The following FOCAD variants were observed in gnomAD, a reference collection of about 807,000 sequenced individuals.
FOCAD encodes focadhesin.
In FOCAD, 198 loss-of-function variants were observed where a neutral mutation model predicts 225.6. That is an observed-to-expected ratio of 0.88 (90% CI 0.78 to 0.99). The LOEUF is 0.99. Ranked by LOEUF, FOCAD falls within the 50% of genes least tolerant of loss-of-function variation. The pLI is 0.00. For synonymous variants in FOCAD, 897 were observed against 755.0 expected (o/e 1.19, Z -3.08); for missense variants, 2,713 against 2,123.6 (o/e 1.28, Z -5.46).
In FOCAD at chr9:20,944,780, A is replaced by C. The variant is rs1837021004; in HGVS notation, c.3555+6A>C. ...AGAGCAGAACGTTTCAGGAGGTAAGAGATGGAGGCTACATTTTTTTCCCCT... is the reference window on the plus strand; with the variant it reads ...AGAGCAGAACGTTTCAGGAGGTAAGCGATGGAGGCTACATTTTTTTCCCCT... On this transcript the variant is annotated splice_donor_region_variant and intron_variant, in intron 29 of 43. Coordinates refer to ENST00000338382, the MANE Select transcript of FOCAD (RefSeq NM_001375567.1). 1 of 1,606,000 alleles carries C rather than the reference A, an allele frequency of 6.2e-7. No individual in the cohort carries two copies. Among genetic ancestry groups the C allele is most frequent in the Non-Finnish European group, 8.5e-7 (1 of 1,174,174 alleles).
chr9:20,770,309 A>T, intron 8 of FOCAD, 71 bp downstream of exon 8: 1 of 1,387,184 alleles, frequency 7.2e-7, no homozygotes, highest in Non-Finnish European at 1.0e-6. Context: ...GTAATTTATA[A>T]AGAAATGAGG....
chr9:20,772,370 G>A (rs1477880770), intron 8 of FOCAD, among the ~76,000 whole-genome samples: 1 of 152,122 alleles, frequency 6.6e-6, no homozygotes, highest in East Asian at 1.9e-4. Flanking sequence ...TTTGGGGTGG[G>A]GATTTTAAAC....
intron 7 of FOCAD, among the ~76,000 whole-genome samples, chr9:20,769,704 T>G (rs1375869827): frequency 6.6e-6 from 1 of 152,248 alleles, no homozygotes; most frequent in Non-Finnish European, 1.5e-5. Flanking sequence ...AATTCAAAAC[T>G]AAACTTAATT....
In FOCAD at chr9:20,722,371, A is replaced by G. The variant is rs1825858608; in HGVS notation, c.287+1837A>G. On this transcript the variant is annotated intron_variant, in intron 4 of 43. Coordinates refer to ENST00000338382, the MANE Select transcript of FOCAD (RefSeq NM_001375567.1). ...GCCCTTGTGTGTGTTCCACACCAGC[A>G]TGGCATGCTCCTTCCCCTTCTCTGT... Among the ~76,000 whole-genome samples, 11 of 152,302 alleles carry G rather than the reference A, an allele frequency of 7.2e-5. No individual in the cohort carries two copies. In the South Asian group the frequency reaches 2.3e-3, roughly 32 times the overall value.
At chr9:20,931,203 CTTCCA>C (rs1337126186) in intron 27 of FOCAD, among the ~76,000 whole-genome samples, 1 of 152,170 alleles carries the variant, frequency 6.6e-6, no homozygotes, top group Non-Finnish European at 1.5e-5. Flanking sequence ...CCTAGGTTGT[CTTCCA>C]TTCCTGTCTG....
upstream of FOCAD, among the ~76,000 whole-genome samples, chr9:20,680,185 C>T (rs189987898): frequency 7.2e-5 from 11 of 152,288 alleles, no homozygotes; most frequent in Admixed American, 5.2e-4. Flanking sequence ...AATCTTTTTC[C>T]TCCTGGCTAA....
At chr9:20,755,487 T>C (rs1475744452) in intron 5 of FOCAD, among the ~76,000 whole-genome samples, 2 of 152,196 alleles carry the variant, frequency 1.3e-5, no homozygotes, top group African/African-American at 4.8e-5. Flanking sequence ...TGATTCAATT[T>C]GGACAAAACT....
chr9:20,912,503 T>G (rs1049355966), intron 22 of FOCAD, among the ~76,000 whole-genome samples: 1 of 152,144 alleles, frequency 6.6e-6, no homozygotes, highest in Non-Finnish European at 1.5e-5. Context: ...GTCCCCAATC[T>G]TGGTATATTT....
chr9:20,944,313 A>G (rs1044237044), intron 28 of FOCAD, among the ~76,000 whole-genome samples: 7 of 152,238 alleles, frequency 4.6e-5, no homozygotes, highest in Non-Finnish European at 8.8e-5. Flanking sequence ...GGGCACAAAT[A>G]AAGCTGGTTT....
intron 34 of FOCAD, among the ~76,000 whole-genome samples, chr9:20,951,531 G>A (rs993408946): frequency 4.6e-5 from 7 of 152,132 alleles, no homozygotes; most frequent in Non-Finnish European, 8.8e-5. Flanking sequence ...TGTAATGGTA[G>A]TTTGTATAGT....
chr9:20,915,606 A>G (rs1428787262), intron 23 of FOCAD, among the ~76,000 whole-genome samples: 1 of 152,174 alleles, frequency 6.6e-6, no homozygotes, highest in African/African-American at 2.4e-5. Flanking sequence ...AGAGAGTGGA[A>G]GGAAATAACG....
At chr9:20,657,246 A>G (rs1156309328), upstream of FOCAD, among the ~76,000 whole-genome samples, 17 of 142,776 alleles carry the variant, frequency 1.2e-4, no homozygotes, top group East Asian at 2.0e-4. Context: ...GAATCTGACA[A>G]TTATGTGTCT....
intron 27 of FOCAD, among the ~76,000 whole-genome samples, chr9:20,929,953 A>G (rs1397568536): frequency 6.6e-6 from 1 of 152,206 alleles, no homozygotes; most frequent in Non-Finnish European, 1.5e-5. Context: ...TGGGATGAAA[A>G]TAACTGCCAA....
intron 1 of FOCAD, among the ~76,000 whole-genome samples, chr9:20,691,380 T>C (rs779982345): frequency 1.1e-4 from 17 of 152,168 alleles, no homozygotes; most frequent in Non-Finnish European, 2.4e-4. Context: ...GCTGTTAACA[T>C]TGGAGTGCTT....
At chr9:20,929,693 C>T in intron 27 of FOCAD, 97 bp downstream of exon 27, 1 of 960,338 alleles carries the variant, frequency 1.0e-6, no homozygotes, top group Non-Finnish European at 1.6e-6. Context: ...TGTATCTGAG[C>T]AATATGTGTT....
At position 20,990,155 on chromosome 9, in the gene FOCAD, C is replaced by T. The variant is rs1394652364; in HGVS notation, c.5037C>T (p.Thr1679=). ...ACTTCTTCTTGCTGATATTTGCAAC[C>T]GCAGTGGTTGCATGGGCTGACCACA... ...ALDFFLLIFA[T]AVVAWADHTA... The change falls in exon 42 of 44, where the codon ACC becomes ACT. Residue 1679 remains threonine, a synonymous_variant. Coordinates refer to ENST00000338382, the MANE Select transcript of FOCAD (RefSeq NM_001375567.1). The T allele has an allele frequency of 1.4e-5, 22 of 1,614,066 alleles. No individual in the cohort carries two copies. The highest frequency in any genetic ancestry group is 7.7e-5 in the South Asian group (7 of 91,082).
intron 21 of FOCAD, among the ~76,000 whole-genome samples, chr9:20,886,260 A>C (rs2131868910): frequency 6.6e-6 from 1 of 152,256 alleles, no homozygotes; most frequent in East Asian, 1.9e-4. Flanking sequence ...CTAAAAAGAG[A>C]AGAAGGATCT....
At chr9:20,852,908 A>G (rs1239706984) in intron 15 of FOCAD, among the ~76,000 whole-genome samples, 2 of 151,690 alleles carry the variant, frequency 1.3e-5, no homozygotes, top group African/African-American at 2.4e-5. Context: ...TTGAGTTTTA[A>G]GCTATGTTGA....
intron 21 of FOCAD, among the ~76,000 whole-genome samples, chr9:20,904,909 TA>T (rs1832833878): frequency 1.3e-5 from 2 of 152,066 alleles, no homozygotes; most frequent in African/African-American, 4.8e-5. Flanking sequence ...AACATTAACC[TA>T]AAATATAGGC....
Sources: allele counts gnomAD v4.1 joint callset (sites outside exome capture counted in the v4.1 genomes callset), GRCh38; gene constraint gnomAD v4.1.1; transcripts MANE v1.5; gene names NCBI Gene and HGNC (gene_info 2026-07-23, HGNC 2026-07-21).